ASTN2: variants seen among roughly 807,000 people sequenced by gnomAD.
The protein encoded by ASTN2 is astrotactin-2.
A neutral mutation model predicts 139.8 loss-of-function variants in ASTN2; 54 were observed. The observed-to-expected ratio is 0.39, with a 90% CI of 0.31 to 0.48. The LOEUF (loss-of-function observed/expected upper bound fraction) is 0.48, where lower values mean the gene tolerates loss of function less well. Ranked by LOEUF, ASTN2 falls within the 20% of genes least tolerant of loss-of-function variation. ASTN2 has a pLI of 0.95. For synonymous variants in ASTN2, 756 were observed against 719.5 expected, an observed-to-expected ratio of 1.05 and a Z score of -0.81; for missense variants, 1,565 against 1,725.1, an observed-to-expected ratio of 0.91 and a Z score of 1.64.
intron 17 of ASTN2, among the ~76,000 whole-genome samples, chr9:116,648,524 G>C (rs578071159): frequency 6.6e-6 from 1 of 152,272 alleles, no homozygotes; most frequent in South Asian, 2.1e-4. Context: ...TGACCCTGCA[G>C]CTGGAGGTGT....
At chr9:117,036,283 T>C (rs1230676310) in intron 6 of ASTN2, among the ~76,000 whole-genome samples, 1 of 152,224 alleles carries the variant, frequency 6.6e-6, no homozygotes, top group Non-Finnish European at 1.5e-5. Flanking sequence ...ACTAAGATAC[T>C]GTGGACAAGG....
chr9:117,259,651 C>T (rs1245045723), intron 2 of ASTN2, among the ~76,000 whole-genome samples: 2 of 152,152 alleles, frequency 1.3e-5, no homozygotes, highest in Non-Finnish European at 2.9e-5. Context: ...TTAAAATCTA[C>T]CTATGGCCTA....
intron 1 of ASTN2, among the ~76,000 whole-genome samples, chr9:117,330,455 A>G (rs549249679): frequency 6.6e-6 from 1 of 152,296 alleles, no homozygotes; most frequent in African/African-American, 2.4e-5. Flanking sequence ...CTCCATGCAA[A>G]GAGCAGAAGA....
intron 13 of ASTN2, among the ~76,000 whole-genome samples, chr9:116,786,513 C>G (rs1009316173): frequency 7.9e-5 from 12 of 152,236 alleles, no homozygotes; most frequent in Admixed American, 3.9e-4. Flanking sequence ...TCTGGTTACT[C>G]TTATTACTAC....
intron 6 of ASTN2, among the ~76,000 whole-genome samples, chr9:117,011,299 G>T (rs530208962): frequency 1.8e-4 from 28 of 152,182 alleles, no homozygotes; most frequent in Non-Finnish European, 3.5e-4. Context: ...GGTGATATTT[G>T]GAAGTGGAGT....
chr9:117,144,813 C>T lies in ASTN2; in HGVS notation c.1016-3335G>A, dbSNP rs539022437. ...TCTTATGCCCCAGCCTCCCGAGTAG[C>T]TGGGATTATAGGCATGCACCACCAT... On this transcript the variant is annotated intron_variant, in intron 3 of 22. Coordinates refer to ENST00000313400, the MANE Select transcript of ASTN2 (RefSeq NM_001365068.1). Among the ~76,000 whole-genome samples, 4 of 151,422 alleles carry T rather than the reference C, an allele frequency of 2.6e-5. No homozygotes were observed. The South Asian group carries it at 8.4e-4, about 32-fold the overall frequency.
At chr9:117,408,175 A>G (rs901865255) in intron 1 of ASTN2, among the ~76,000 whole-genome samples, 2 of 151,864 alleles carry the variant, frequency 1.3e-5, no homozygotes, top group African/African-American at 4.8e-5. Context: ...GGGGAGAGGA[A>G]AGAGTGTCCC....
rs548379284 is a variant in ASTN2 at position 116,566,648 on chromosome 9, C to A, written c.3355+51676G>T. Among the ~76,000 whole-genome samples, 14 of 152,300 alleles carry A rather than the reference C, an allele frequency of 9.2e-5. No individual in the cohort carries two copies. The South Asian group carries it at 2.9e-3, about 32-fold the overall frequency. The stretch of plus-strand genomic sequence containing the variant: ...GGAAATCCAATGGCAGGGGGCTTAA[C>A]TAATCAAGAGCCCTAGTCTGAGTAC... On this transcript the variant is annotated intron_variant, in intron 19 of 22. Transcript: ENST00000313400.
chr9:117,108,417 G>GA (rs951250539), intron 4 of ASTN2, among the ~76,000 whole-genome samples: 1 of 121,500 alleles, frequency 8.2e-6, no homozygotes, highest in Non-Finnish European at 1.9e-5. Flanking sequence ...GTGCCCTTTG[G>GA]AAAAAAACAA....
intron 4 of ASTN2, among the ~76,000 whole-genome samples, chr9:117,135,829 T>C (rs1430346753): frequency 2.0e-5 from 3 of 151,996 alleles, no homozygotes; most frequent in Admixed American, 1.3e-4. Flanking sequence ...GGAAAGGGCC[T>C]TTCAGGAAGA....
rs1052692267 is a variant in ASTN2, at chr9:117,095,940, A to G, written c.1276+104T>C. On this transcript the variant is annotated intron_variant, in intron 5 of 22. Coordinates refer to ENST00000313400, the MANE Select transcript of ASTN2 (RefSeq NM_001365068.1). ...TAAGCTCAGTTTTAACCAGATGGGG[A>G]CCAGGTTAGAGAAGATTTAGGATTT... The G allele has an allele frequency of 1.8e-5, 19 of 1,047,060 alleles. No individual in the cohort carries two copies. The Admixed American group carries it at 3.7e-4, about 20-fold the overall frequency. The allele number at this position is 1,047,060 out of a possible 1,614,324, so 64.9% of individuals were successfully genotyped here. A position where few individuals can be genotyped will look rare whatever the true frequency, so the allele number is the denominator to read the frequency against.
intron 5 of ASTN2, among the ~76,000 whole-genome samples, chr9:117,081,037 A>G (rs912986361): frequency 6.6e-6 from 1 of 152,182 alleles, no homozygotes; most frequent in Non-Finnish European, 1.5e-5. Context: ...CACTTTTTCT[A>G]AAGTCTACTC....
chr9:116,792,684 T>C (rs535094863), intron 13 of ASTN2, among the ~76,000 whole-genome samples: 5 of 152,268 alleles, frequency 3.3e-5, no homozygotes, highest in African/African-American at 1.2e-4. Context: ...TGAAACATAT[T>C]CTCTGCACTT....
chr9:117,388,361 C>T (rs1326561405), intron 1 of ASTN2, among the ~76,000 whole-genome samples: 1 of 152,118 alleles, frequency 6.6e-6, no homozygotes, highest in Admixed American at 6.5e-5. Flanking sequence ...TCAGGCCACC[C>T]TGGGCTAATG....
At chr9:116,581,891 T>C (rs1853967705) in intron 19 of ASTN2, 1 of 152,012 alleles carries the variant, frequency 6.6e-6, no homozygotes, top group African/African-American at 2.4e-5. Flanking sequence ...GTGAATCTTA[T>C]CTTTAACTTT....
At chr9:116,916,213 T>C (rs1834442729) in intron 10 of ASTN2, among the ~76,000 whole-genome samples, 1 of 152,184 alleles carries the variant, frequency 6.6e-6, no homozygotes, top group Non-Finnish European at 1.5e-5. Flanking sequence ...TCCCTGACCA[T>C]GAATGGCCCA....
chr9:117,322,357 C>T (rs916104117), intron 1 of ASTN2, among the ~76,000 whole-genome samples: 4 of 152,216 alleles, frequency 2.6e-5, no homozygotes, highest in Non-Finnish European at 5.9e-5. Context: ...AGAAGGCTAA[C>T]ACTTAATGAT....
intron 10 of ASTN2, among the ~76,000 whole-genome samples, chr9:116,906,770 C>G (rs780755458): frequency 7.9e-5 from 12 of 152,066 alleles, no homozygotes; most frequent in Non-Finnish European, 1.8e-4. Flanking sequence ...AAATGTCAGC[C>G]CAGAATCAGA....
At chr9:116,796,817 T>G (rs567822670) in intron 13 of ASTN2, among the ~76,000 whole-genome samples, 1 of 152,232 alleles carries the variant, frequency 6.6e-6, no homozygotes, top group African/African-American at 2.4e-5. Flanking sequence ...TTAAATGTTT[T>G]GTTTTGTTTT....
Sources: gnomAD v4.1 joint callset for allele counts (sites outside exome capture counted in the v4.1 genomes callset) on GRCh38, gnomAD v4.1.1 for gene constraint, MANE v1.5 for transcripts, NCBI Gene and HGNC (gene_info 2026-07-23, HGNC 2026-07-21) for gene names.